FSTL5: variants seen among roughly 807,000 people sequenced by gnomAD.
FSTL5 encodes the protein follistatin like 5.
A neutral mutation model predicts 89.1 loss-of-function variants in FSTL5; 62 were observed. The ratio of observed to expected loss-of-function variants is 0.70; its 90% CI spans 0.57 to 0.86. FSTL5 has a LOEUF of 0.86. FSTL5 is among the 40% of genes least tolerant of loss of function. The pLI, the probability that FSTL5 is intolerant of heterozygous loss-of-function variation, is 0.00. For synonymous variants in FSTL5, 383 were observed against 346.2 expected (o/e 1.11, Z -1.18); for missense variants, 1,057 against 1,001.6 (o/e 1.06, Z -0.75).
intron 5 of FSTL5, among the ~76,000 whole-genome samples, chr4:161,761,302 C>T (rs939196588): frequency 6.6e-6 from 1 of 152,146 alleles, no homozygotes; most frequent in Non-Finnish European, 1.5e-5. Flanking sequence ...AGCAACAGAG[C>T]TCTCAGTCAT....
At chr4:161,828,940 TC>T (rs1436683147) in intron 4 of FSTL5, among the ~76,000 whole-genome samples, 1 of 151,972 alleles carries the variant, frequency 6.6e-6, no homozygotes, top group East Asian at 1.9e-4. Context: ...GAAGTTTTTT[TC>T]CAAGGCTATG....
intron 7 of FSTL5, among the ~76,000 whole-genome samples, chr4:161,643,778 A>G (rs1215437875): frequency 6.6e-6 from 1 of 152,232 alleles, no homozygotes; most frequent in Non-Finnish European, 1.5e-5. Flanking sequence ...TAAATGATTG[A>G]TTGCCAATAA....
chr4:161,577,050 T>C (rs1733236071), intron 8 of FSTL5, among the ~76,000 whole-genome samples: 1 of 152,208 alleles, frequency 6.6e-6, no homozygotes, highest in Admixed American at 6.5e-5. Flanking sequence ...ATCTATATCT[T>C]AGGACAGCCA....
intron 4 of FSTL5, among the ~76,000 whole-genome samples, chr4:161,916,279 T>C (rs553866332): frequency 1.4e-4 from 21 of 152,258 alleles, no homozygotes; most frequent in Admixed American, 9.8e-4. Context: ...TCATAAAAGG[T>C]TTAAATCCCT....
intron 4 of FSTL5, among the ~76,000 whole-genome samples, chr4:161,844,461 C>G (rs1437222312): frequency 6.6e-6 from 1 of 152,094 alleles, no homozygotes; most frequent in Non-Finnish European, 1.5e-5. Context: ...ATAAATCATT[C>G]TACTATAAAG....
intron 2 of FSTL5, among the ~76,000 whole-genome samples, chr4:162,084,016 A>G (rs1193592643): frequency 6.6e-6 from 1 of 151,960 alleles, no homozygotes; most frequent in African/African-American, 2.4e-5. Flanking sequence ...TGTGGGAAAA[A>G]AAGAATATCA....
chr4:161,994,022 T>C (rs960175085), intron 3 of FSTL5, among the ~76,000 whole-genome samples: 3 of 152,188 alleles, frequency 2.0e-5, no homozygotes, highest in South Asian at 2.1e-4. Flanking sequence ...CTAATAGTTA[T>C]CTTTTCTGCT....
intron 15 of FSTL5, among the ~76,000 whole-genome samples, chr4:161,395,079 A>C (rs1239527895): frequency 6.6e-6 from 1 of 152,156 alleles, no homozygotes; most frequent in Non-Finnish European, 1.5e-5. Context: ...TATTCTAAAA[A>C]CCTGAGAGTG....
chr4:161,461,460 CAAAAAAAAAAAAA>C (rs58371125), intron 13 of FSTL5, among the ~76,000 whole-genome samples: 9 of 45,370 alleles, frequency 2.0e-4, no homozygotes, highest in Admixed American at 8.5e-4. Context: ...GACTCCGTCT[CAAAAAAAAAAAAA>C]AAAAAAAAAA....
At chr4:162,091,284 A>G (rs1468009537) in intron 2 of FSTL5, among the ~76,000 whole-genome samples, 2 of 152,144 alleles carry the variant, frequency 1.3e-5, no homozygotes, top group African/African-American at 2.4e-5. Flanking sequence ...TAATTACTGT[A>G]TACTGTTGAA....
intron 2 of FSTL5, among the ~76,000 whole-genome samples, chr4:162,082,874 A>G (rs975031173): frequency 6.6e-6 from 1 of 151,332 alleles, no homozygotes; most frequent in Non-Finnish European, 1.5e-5. Context: ...GTTCAATCTC[A>G]ATCTCAAGTG....
intron 15 of FSTL5, among the ~76,000 whole-genome samples, chr4:161,441,600 C>A (rs115481200): frequency 6.6e-6 from 1 of 151,966 alleles, no homozygotes. Context: ...TAAGTCTCTA[C>A]GGCATCTTCA....
intron 4 of FSTL5, among the ~76,000 whole-genome samples, chr4:161,894,941 C>T (rs1326486560): frequency 6.6e-6 from 1 of 152,204 alleles, no homozygotes; most frequent in Non-Finnish European, 1.5e-5. Context: ...CAAATCAATG[C>T]TTTGAAAAAT....
intron 3 of FSTL5, among the ~76,000 whole-genome samples, chr4:161,963,362 T>C (rs1355449434): frequency 6.6e-6 from 1 of 151,934 alleles, no homozygotes; most frequent in East Asian, 1.9e-4. Context: ...TTTAAAAATA[T>C]AAATCAAAGC....
chr4:161,721,280 G>A (rs1739200819), intron 6 of FSTL5, among the ~76,000 whole-genome samples: 1 of 48,852 alleles, frequency 2.0e-5, no homozygotes, highest in Non-Finnish European at 4.7e-5. Context: ...GCGAGACTCC[G>A]TCTCAAAAAA....
At chr4:161,407,491 T>A (rs2110924891) in intron 15 of FSTL5, among the ~76,000 whole-genome samples, 1 of 152,210 alleles carries the variant, frequency 6.6e-6, no homozygotes, top group East Asian at 1.9e-4. Flanking sequence ...CAACAGTGCC[T>A]GGAAAAGGGG....
At chr4:161,951,247 C>G (rs763661534) in intron 3 of FSTL5, among the ~76,000 whole-genome samples, 2 of 152,048 alleles carry the variant, frequency 1.3e-5, no homozygotes, top group African/African-American at 2.4e-5. Context: ...TGATAAATTA[C>G]CCAGTCTTGG....
At chr4:161,856,401 G>T (rs2126885696) in intron 4 of FSTL5, among the ~76,000 whole-genome samples, 1 of 151,980 alleles carries the variant, frequency 6.6e-6, no homozygotes, top group South Asian at 2.1e-4. Flanking sequence ...AATAAATAAT[G>T]ATTTCTAAGA....
intron 1 of FSTL5, among the ~76,000 whole-genome samples, chr4:162,129,557 T>C (rs1732216143): frequency 6.6e-6 from 1 of 152,184 alleles, no homozygotes; most frequent in Non-Finnish European, 1.5e-5. Flanking sequence ...TTACAATCTG[T>C]CCCAGAGAAG....
Sources: allele counts gnomAD v4.1 joint callset (sites outside exome capture counted in the v4.1 genomes callset), GRCh38; gene constraint gnomAD v4.1.1; transcripts MANE v1.5; gene names NCBI Gene and HGNC (gene_info 2026-07-23, HGNC 2026-07-21).